Variants in PNPLA7 observed in about 807,000 individuals in gnomAD.
PNPLA7 encodes patatin-like phospholipase domain-containing protein 7.
Under a neutral mutation model 161.7 loss-of-function variants are expected in PNPLA7, and 153 were observed. The observed-to-expected ratio is 0.95, with a 90% CI of 0.83 to 1.08. PNPLA7 has a LOEUF of 1.08. PNPLA7 is among the 50% of genes least tolerant of loss of function. PNPLA7 has a pLI of 0.00. For synonymous variants in PNPLA7, 809 were observed against 782.1 expected, an observed-to-expected ratio of 1.03 and a Z score of -0.57; for missense variants, 1,739 against 1,856.6, an observed-to-expected ratio of 0.94 and a Z score of 1.16.
At chr9:137,518,197 A>G (rs1437109977) in intron 11 of PNPLA7, among the ~76,000 whole-genome samples, 2 of 64,758 alleles carry the variant, frequency 3.1e-5, no homozygotes, top group Admixed American at 1.9e-4. Context: ...CCACTCACTC[A>G]CTCCACTCTG....
chr9:137,517,956 A>C (rs1217830502), intron 11 of PNPLA7, among the ~76,000 whole-genome samples: 1 of 50,586 alleles, frequency 2.0e-5, no homozygotes, highest in African/African-American at 9.0e-5. Flanking sequence ...CCACTCACTC[A>C]CTCCACTCTG....
intron 25 of PNPLA7, among the ~76,000 whole-genome samples, chr9:137,470,613 C>A (rs1588542852): frequency 6.6e-6 from 1 of 152,076 alleles, no homozygotes; most frequent in Admixed American, 6.5e-5. Context: ...AGAAGATGAA[C>A]TTCCCACTTA....
chr9:137,461,803 C>G (rs1831212092), intron 32 of PNPLA7, 128 bp downstream of exon 32: 1 of 1,233,948 alleles, frequency 8.1e-7, no homozygotes, highest in Admixed American at 2.6e-5. Flanking sequence ...GCCCTGGAGT[C>G]TTTGGCCAGG....
At chr9:137,517,123 C>T (rs1834631756) in intron 11 of PNPLA7, among the ~76,000 whole-genome samples, 1 of 145,200 alleles carries the variant, frequency 6.9e-6, no homozygotes, top group African/African-American at 2.6e-5. Context: ...TCACTCCACT[C>T]TGTCCACTCC....
At chr9:137,513,140 A>G (rs565225640) in intron 12 of PNPLA7, among the ~76,000 whole-genome samples, 1 of 152,348 alleles carries the variant, frequency 6.6e-6, no homozygotes, top group East Asian at 1.9e-4. Context: ...TTCTTGCAGT[A>G]TAAACTACAG....
chr9:137,497,151 G>T, intron 18 of PNPLA7, 36 bp downstream of exon 18: 1 of 1,505,760 alleles, frequency 6.6e-7, no homozygotes, highest in South Asian at 1.3e-5. Context: ...GAGGGATGCA[G>T]AGGTGGGGGA....
chr9:137,501,031 A>T, intron 15 of PNPLA7, 135 bp from the exon 16 acceptor site: 1 of 690,236 alleles, frequency 1.4e-6, no homozygotes, highest in Non-Finnish European at 2.3e-6. Flanking sequence ...CTGGGCATGG[A>T]CTTCACTGGA....
intron 8 of PNPLA7, among the ~76,000 whole-genome samples, chr9:137,525,678 C>A (rs1218662417): frequency 6.7e-6 from 1 of 150,324 alleles, no homozygotes; most frequent in East Asian, 1.9e-4. Flanking sequence ...CGAAAGTGGA[C>A]CAGGAGCGTG....
chr9:137,527,685 A>G (rs1251655130), intron 8 of PNPLA7, among the ~76,000 whole-genome samples: 1 of 152,200 alleles, frequency 6.6e-6, no homozygotes, highest in Non-Finnish European at 1.5e-5. Context: ...TATGTTTCTA[A>G]TGATGAGTGA....
Position 137,540,977 on chromosome 9 carries a change from A to G in PNPLA7, c.667-255T>C, listed in dbSNP as rs1409529397. ...CTCTCCATCCCATGACTCGTCTTCA[A>G]TGTGGGGACTGAGGCAAAAGCTCGC... On this transcript the variant is annotated intron_variant, in intron 7 of 34. Coordinates refer to ENST00000406427, the MANE Select transcript of PNPLA7 (RefSeq NM_001098537.3). This position sits in a 1 kb window ranked among gnomAD's most constrained non-coding sequence, Gnocchi z 5.1. 6 of 440,842 alleles carry G rather than the reference A, an allele frequency of 1.4e-5. No homozygotes were observed. Among genetic ancestry groups the G allele is most frequent in the Admixed American group, 6.7e-5 (2 of 29,776 alleles). The allele number at this position is 440,842 out of a possible 1,614,324, so 27.3% of individuals were successfully genotyped here.
At chr9:137,498,316 C>A (rs148577336) in intron 16 of PNPLA7, 71 bp from the exon 17 acceptor site, 2 of 1,580,728 alleles carry the variant, frequency 1.3e-6, no homozygotes, top group Non-Finnish European at 1.7e-6. Context: ...CCGCAGTGCT[C>A]GGGAATGGAT....
Position 137,460,718 on chromosome 9 carries a change from C to T in PNPLA7, c.3861G>A (p.Thr1287=), listed in dbSNP as rs143758482. Residue 1287 remains threonine (T), a synonymous_variant, in exon 34 of 35, where the codon ACG becomes ACA. Coordinates refer to ENST00000406427, the MANE Select transcript of PNPLA7 (RefSeq NM_001098537.3). ...AMVDDESDYQ[T]EYEEELLDVP... ...CGTCCAGCAGCTCCTCCTCGTACTCCGTCTGGTAGTCAGATTCGTCTGGCA... is the reference window on the plus strand; with the variant it reads ...CGTCCAGCAGCTCCTCCTCGTACTCTGTCTGGTAGTCAGATTCGTCTGGCA... The T allele has an allele frequency of 3.3e-5, 54 of 1,612,648 alleles. No individual in the cohort carries two copies. The highest frequency in any genetic ancestry group is 3.9e-5 in the Non-Finnish European group (46 of 1,179,904).
intron 14 of PNPLA7, 29 bp from the exon 15 acceptor site, chr9:137,501,756 C>T (rs765094577): frequency 1.6e-4 from 261 of 1,605,550 alleles, no homozygotes; most frequent in South Asian, 4.9e-4. Flanking sequence ...TCAGGGAACA[C>T]GGGCGGGAAG....
rs1198866713 is a variant in PNPLA7 at position 137,467,546 on chromosome 9, C to T, written c.2883-73G>A. ...CTGCGCCCTGCAGAGGCCTTGTGCT[C>T]ATCCTCAGTTCCCAACTCCTCCACA... On this transcript the variant is annotated intron_variant, in intron 25 of 34. Transcript: ENST00000406427. This position sits in a 1 kb window ranked among gnomAD's most constrained non-coding sequence, Gnocchi z 5.1. 3.2e-6 allele frequency: 5 copies of T among 1,551,072 alleles called. No individual in the cohort carries two copies. The highest frequency in any genetic ancestry group is 4.4e-6 in the Non-Finnish European group (5 of 1,144,052).
At position 137,460,711 on chromosome 9, in the gene PNPLA7, C is replaced by G; in HGVS notation, c.3868G>C (p.Glu1290Gln). The G allele has an allele frequency of 6.2e-7, 1 of 1,612,782 alleles. No homozygotes were observed. The highest frequency in any genetic ancestry group is 8.5e-7 in the Non-Finnish European group (1 of 1,179,898). Residue 1290 changes from glutamate (E) to glutamine (Q), a missense_variant, in exon 34 of 35, where the codon GAG becomes CAG. Physicochemically the swap from Glu to Gln is conservative, Grantham distance 29 (BLOSUM62 2). This residue lies in a region of PNPLA7 where 703 missense variants were observed against 694.6 expected (regional missense o/e 1.01). Coordinates refer to ENST00000406427, the MANE Select transcript of PNPLA7 (RefSeq NM_001098537.3). ...CTGGGGACGTCCAGCAGCTCCTCCT[C>G]GTACTCCGTCTGGTAGTCAGATTCG... ...DDESDYQTEY[E>Q]EELLDVPRDA... is the part of the protein sequence containing the mutation.
intron 8 of PNPLA7, among the ~76,000 whole-genome samples, chr9:137,534,568 T>TA (rs904093444): frequency 6.6e-6 from 1 of 151,808 alleles, no homozygotes; most frequent in Non-Finnish European, 1.5e-5. Flanking sequence ...GAAGCTGCCC[T>TA]AAAAAAAAGA....
In PNPLA7 at chr9:137,489,323, C is replaced by T. The variant is rs567736384; in HGVS notation, c.2197+3690G>A. Among the ~76,000 whole-genome samples, 16 of 152,316 alleles carry T rather than the reference C, an allele frequency of 1.1e-4. No individual in the cohort carries two copies. The East Asian group carries it at 2.9e-3, about 28-fold the overall frequency. On this transcript the variant is annotated intron_variant, in intron 20 of 34. Coordinates refer to ENST00000406427, the MANE Select transcript of PNPLA7 (RefSeq NM_001098537.3). ...TCACGTTCAAACCACACTCCACAAA[C>T]GTTGGCCAGGACATGCCCTGTGAAT...
chr9:137,466,484 C>T, intron 26 of PNPLA7, among the ~76,000 whole-genome samples: 1 of 148,564 alleles, frequency 6.7e-6, no homozygotes, highest in South Asian at 2.1e-4. Context: ...GACCACCTCC[C>T]ACCACCACCT....
chr9:137,524,778 C>T lies in PNPLA7; in HGVS notation c.748-1921G>A, dbSNP rs533865351. Among the ~76,000 whole-genome samples, 36 of 151,930 alleles carry T rather than the reference C, an allele frequency of 2.4e-4. No individual in the cohort carries two copies. The highest frequency in any genetic ancestry group is 8.2e-4 in the African/African-American group (34 of 41,526). ...CCCGTGGAATGAGTTTCCGTGGATG[C>T]CCCGTGGAATGGGTTTCCGTGGATG... On this transcript the variant is annotated intron_variant, in intron 8 of 34. Coordinates refer to ENST00000406427, the MANE Select transcript of PNPLA7 (RefSeq NM_001098537.3). This position sits in a 1 kb window ranked among gnomAD's most constrained non-coding sequence, Gnocchi z 4.4.
Sources: gnomAD v4.1 joint callset for allele counts (sites outside exome capture counted in the v4.1 genomes callset) on GRCh38, gnomAD v4.1.1 for gene constraint, gnomAD v4.1.1 regional missense constraint, Gnocchi (gnomAD v3.1) non-coding constraint, MANE v1.5 for transcripts, NCBI Gene and HGNC (gene_info 2026-07-23, HGNC 2026-07-21) for gene names.